BICC1: variants seen among roughly 807,000 people sequenced by gnomAD.
BICC1 encodes BicC family RNA binding protein 1.
Under a neutral mutation model 111.0 loss-of-function variants are expected in BICC1, and 43 were observed. That is an observed-to-expected ratio of 0.39 (90% CI 0.30 to 0.50). BICC1 has a LOEUF of 0.50. Ranked by LOEUF, BICC1 falls within the 20% of genes least tolerant of loss-of-function variation. BICC1 has a pLI of 0.88. For missense variants in BICC1, 1,091 were observed against 1,203.2 expected, an observed-to-expected ratio of 0.91 and a Z score of 1.38; for synonymous variants, 467 against 434.4, an observed-to-expected ratio of 1.07 and a Z score of -0.93.
At chr10:58,526,692 C>T (rs902540611) in intron 1 of BICC1, among the ~76,000 whole-genome samples, 1 of 152,082 alleles carries the variant, frequency 6.6e-6, no homozygotes, top group African/African-American at 2.4e-5. Context: ...GGTTTTCTGT[C>T]CTTGCGATAG....
rs767466483 is a variant in BICC1, at chr10:58,666,778, A to AC, written c.238-35292dup. ...TACCTAAAACCTCCTACCTTGCATG[A>AC]CCCCTCCCACCATGCATAGTAGCCA... On this transcript the variant is annotated intron_variant, in intron 2 of 20. Coordinates refer to ENST00000373886, the MANE Select transcript of BICC1 (RefSeq NM_001080512.3). 1.9e-3 allele frequency among the ~76,000 whole-genome samples: 293 copies of AC among 151,996 alleles called. 1 individual carries two copies. The highest frequency in any genetic ancestry group is 2.3e-3 in the Non-Finnish European group (155 of 67,942).
At chr10:58,652,889 C>A (rs1838495471) in intron 2 of BICC1, among the ~76,000 whole-genome samples, 1 of 152,064 alleles carries the variant, frequency 6.6e-6, no homozygotes, top group South Asian at 2.1e-4. Flanking sequence ...TTCCTCCTTT[C>A]TTTGAATCAG....
At chr10:58,718,763 TGTGCGCGC>T (rs1039587409) in intron 3 of BICC1, among the ~76,000 whole-genome samples, 12 of 149,756 alleles carry the variant, frequency 8.0e-5, no homozygotes, top group South Asian at 4.3e-4. Context: ...TGTGTGTGTG[TGTGCGCGC>T]GCGCGTGCGC....
At chr10:58,683,515 A>G (rs1839607263) in intron 2 of BICC1, among the ~76,000 whole-genome samples, 1 of 152,228 alleles carries the variant, frequency 6.6e-6, no homozygotes, top group Non-Finnish European at 1.5e-5. Flanking sequence ...ATCCATGAGC[A>G]TGGAATGTTC....
intron 1 of BICC1, among the ~76,000 whole-genome samples, chr10:58,525,278 G>C (rs1209012168): frequency 8.4e-6 from 1 of 118,628 alleles, no homozygotes; most frequent in African/African-American, 2.7e-5. Context: ...GTTTATTGTG[G>C]CACTATTCAC....
chr10:58,532,283 G>A (rs1350504206), intron 1 of BICC1, among the ~76,000 whole-genome samples: 1 of 146,724 alleles, frequency 6.8e-6, no homozygotes, highest in Non-Finnish European at 1.5e-5. Context: ...CAAAAAGTTT[G>A]TGGACGGTAT....
intron 3 of BICC1, among the ~76,000 whole-genome samples, chr10:58,709,287 C>T (rs1052079002): frequency 1.3e-5 from 2 of 152,204 alleles, no homozygotes; most frequent in South Asian, 2.1e-4. Flanking sequence ...ACTTTTTTCT[C>T]TTCCACATAT....
chr10:58,653,645 G>C (rs1422685844), intron 2 of BICC1, among the ~76,000 whole-genome samples: 1 of 151,372 alleles, frequency 6.6e-6, no homozygotes, highest in African/African-American at 2.4e-5. Context: ...TTTGAACCAG[G>C]GCAGTGCACA....
At chr10:58,756,582 C>CT (rs1405109336) in intron 3 of BICC1, among the ~76,000 whole-genome samples, 1 of 147,526 alleles carries the variant, frequency 6.8e-6, no homozygotes, top group African/African-American at 2.5e-5. Flanking sequence ...GCTCGCACTT[C>CT]TCAAGGAGTT....
At chr10:58,736,630 T>C (rs543578269) in intron 3 of BICC1, among the ~76,000 whole-genome samples, 3 of 152,216 alleles carry the variant, frequency 2.0e-5, no homozygotes, top group Non-Finnish European at 2.9e-5. Context: ...TTTATTGATA[T>C]GTTTTTAGAA....
At chr10:58,804,759 T>G (rs1327016687) in intron 15 of BICC1, among the ~76,000 whole-genome samples, 3 of 152,186 alleles carry the variant, frequency 2.0e-5, no homozygotes, top group African/African-American at 7.2e-5. Context: ...AGTTTCAGCC[T>G]AACTCGATGT....
At chr10:58,719,512 C>CTTTTTTTTTTTTTTCTTTT (rs61590839) in intron 3 of BICC1, among the ~76,000 whole-genome samples, 7 of 146,832 alleles carry the variant, frequency 4.8e-5, no homozygotes, top group African/African-American at 1.7e-4. Context: ...GGGCACTTTT[C>CTTTTTTTTTTTTTTCTTTT]TTTTTTTTTT....
At chr10:58,686,270 C>A (rs181980790) in intron 2 of BICC1, among the ~76,000 whole-genome samples, 1 of 152,028 alleles carries the variant, frequency 6.6e-6, no homozygotes. Flanking sequence ...GTGGGTAACC[C>A]GACCTTTCTC....
intron 1 of BICC1, among the ~76,000 whole-genome samples, chr10:58,528,742 G>T (rs909711045): frequency 6.6e-6 from 1 of 151,896 alleles, no homozygotes; most frequent in Non-Finnish European, 1.5e-5. Context: ...CAGGGTTTTG[G>T]ATTAGATGCC....
chr10:58,574,172 A>G (rs148584546), intron 1 of BICC1, among the ~76,000 whole-genome samples: 301 of 152,302 alleles, frequency 2.0e-3, no homozygotes, highest in Admixed American at 5.3e-3. Context: ...TGTTACATGC[A>G]CTGTGCTGAA....
At chr10:58,735,939 C>A (rs1841453354) in intron 3 of BICC1, among the ~76,000 whole-genome samples, 1 of 152,156 alleles carries the variant, frequency 6.6e-6, no homozygotes, top group Non-Finnish European at 1.5e-5. Flanking sequence ...CTCACATGCT[C>A]CAGCCAGAAT....
Position 58,709,951 on chromosome 10 carries a change from C to A in BICC1, c.307+7808C>A, listed in dbSNP as rs148691497. Among the ~76,000 whole-genome samples, 648 of 152,282 alleles carry A rather than the reference C, an allele frequency of 4.3e-3. 5 individuals are homozygous for A. The highest frequency in any genetic ancestry group is 0.015 in the African/African-American group (619 of 41,570). ...AATGAGACTTAACAAGACACAGCCTCCTGGTAGACCTCCAGACTATAGTTG... is the reference window on the plus strand; with the variant it reads ...AATGAGACTTAACAAGACACAGCCTACTGGTAGACCTCCAGACTATAGTTG... On this transcript the variant is annotated intron_variant, in intron 3 of 20. Coordinates refer to ENST00000373886, the MANE Select transcript of BICC1 (RefSeq NM_001080512.3).
intron 2 of BICC1, among the ~76,000 whole-genome samples, chr10:58,671,283 C>T (rs73294136): frequency 0.016 from 2,419 of 152,260 alleles, 75 homozygotes; most frequent in African/African-American, 0.056. Flanking sequence ...AACTCTGTAG[C>T]AAGGTAGTCC....
chr10:58,664,905 T>C (rs1421807648), intron 2 of BICC1, among the ~76,000 whole-genome samples: 1 of 152,176 alleles, frequency 6.6e-6, no homozygotes, highest in Non-Finnish European at 1.5e-5. Flanking sequence ...GTAGTTACCT[T>C]GAGTGCAAAC....
Sources: allele counts gnomAD v4.1 joint callset (sites outside exome capture counted in the v4.1 genomes callset), GRCh38; gene constraint gnomAD v4.1.1; transcripts MANE v1.5; gene names NCBI Gene and HGNC (gene_info 2026-07-23, HGNC 2026-07-21).